Variants in CACNB4 observed in about 807,000 individuals in gnomAD.
The protein encoded by CACNB4 is voltage-dependent L-type calcium channel subunit beta-4.
CACNB4 carries 32 observed loss-of-function variants against 71.2 expected under a neutral mutation model. That is an observed-to-expected ratio of 0.45 (90% CI 0.34 to 0.60). The LOEUF is 0.60. Among genes scored for constraint, CACNB4 ranks in the 20% least tolerant of loss-of-function variants. CACNB4 has a pLI of 0.01. For missense variants in CACNB4, 464 were observed against 647.9 expected (o/e 0.72, Z 3.08); for synonymous variants, 231 against 236.9 (o/e 0.97, Z 0.23).
chr2:151,878,477 G>A (rs2099847013), intron 4 of CACNB4, among the ~76,000 whole-genome samples: 1 of 151,364 alleles, frequency 6.6e-6, no homozygotes, highest in African/African-American at 2.4e-5. Context: ...CAGCACTTTT[G>A]GAGTCTGAGG....
intron 2 of CACNB4, among the ~76,000 whole-genome samples, chr2:152,089,038 G>A (rs1029779836): frequency 1.1e-4 from 16 of 152,056 alleles, no homozygotes; most frequent in African/African-American, 3.1e-4. Context: ...CATGAATTTC[G>A]GCTTCTACTT....
At chr2:151,876,376 C>T in intron 5 of CACNB4, 50 bp downstream of exon 5, 3 of 1,533,688 alleles carry the variant, frequency 2.0e-6, no homozygotes, top group Non-Finnish European at 2.7e-6. Flanking sequence ...TTGAAAATAT[C>T]ACCCAATTTT....
At chr2:151,941,172 G>A (rs2099864129) in intron 2 of CACNB4, among the ~76,000 whole-genome samples, 1 of 151,956 alleles carries the variant, frequency 6.6e-6, no homozygotes, top group Non-Finnish European at 1.5e-5. Flanking sequence ...GAACCATCAG[G>A]TAATTGTTAG....
chr2:152,058,582 C>A (rs1685846062), intron 2 of CACNB4, among the ~76,000 whole-genome samples: 1 of 152,174 alleles, frequency 6.6e-6, no homozygotes, highest in African/African-American at 2.4e-5. Flanking sequence ...ATCTGTGGAA[C>A]TTTGAACTTG....
At chr2:151,987,341 A>G (rs181742318) in intron 2 of CACNB4, among the ~76,000 whole-genome samples, 1 of 152,056 alleles carries the variant, frequency 6.6e-6, no homozygotes, top group East Asian at 1.9e-4. Flanking sequence ...CAGCACTACA[A>G]TCTCTGGGCT....
At chr2:151,915,610 A>G (rs985428732) in intron 2 of CACNB4, among the ~76,000 whole-genome samples, 1 of 152,192 alleles carries the variant, frequency 6.6e-6, no homozygotes, top group African/African-American at 2.4e-5. Flanking sequence ...TGGGAGGCCG[A>G]GGCGGGTGGA....
At chr2:152,040,386 T>C (rs1372805029) in intron 2 of CACNB4, among the ~76,000 whole-genome samples, 7 of 152,214 alleles carry the variant, frequency 4.6e-5, no homozygotes, top group Admixed American at 6.5e-5. Flanking sequence ...CACATTTCAC[T>C]GATACTTTCT....
At chr2:151,875,872 G>A (rs569111106) in intron 5 of CACNB4, among the ~76,000 whole-genome samples, 3 of 139,944 alleles carry the variant, frequency 2.1e-5, no homozygotes, top group African/African-American at 2.6e-5. Flanking sequence ...CCTCCCGGAC[G>A]GGGCGGCTGG....
intron 2 of CACNB4, among the ~76,000 whole-genome samples, chr2:152,032,415 C>T (rs779559620): frequency 4.6e-5 from 7 of 152,128 alleles, no homozygotes; most frequent in Non-Finnish European, 1.0e-4. Context: ...TGTTAACTTG[C>T]TACTAATTTT....
intron 2 of CACNB4, among the ~76,000 whole-genome samples, chr2:151,964,432 C>T (rs998553262): frequency 2.0e-5 from 3 of 152,088 alleles, no homozygotes; most frequent in African/African-American, 7.2e-5. Context: ...GGGAGGACAG[C>T]AGATTAGGAT....
chr2:152,036,656 T>C (rs1684612431), intron 2 of CACNB4, among the ~76,000 whole-genome samples: 1 of 152,102 alleles, frequency 6.6e-6, no homozygotes, highest in Non-Finnish European at 1.5e-5. Flanking sequence ...GTGTTAAGTG[T>C]GGTGAAAGGC....
At chr2:151,910,287 G>A (rs576847278) in intron 2 of CACNB4, among the ~76,000 whole-genome samples, 3 of 152,136 alleles carry the variant, frequency 2.0e-5, no homozygotes, top group African/African-American at 7.2e-5. Context: ...TTGTCACATG[G>A]GTAGATTGCA....
At chr2:151,878,550 TACACACAC>T (rs60040188) in intron 4 of CACNB4, among the ~76,000 whole-genome samples, 4 of 129,962 alleles carry the variant, frequency 3.1e-5, no homozygotes, top group South Asian at 2.7e-4. Context: ...AGACCCTGTC[TACACACAC>T]ACACACACAC....
chr2:151,996,776 A>G (rs1382690112), intron 2 of CACNB4, among the ~76,000 whole-genome samples: 1 of 152,168 alleles, frequency 6.6e-6, no homozygotes, highest in Admixed American at 6.5e-5. Flanking sequence ...CTCCCTTTTG[A>G]ATACCAGTTT....
At chr2:152,016,261 A>G (rs1396663664) in intron 2 of CACNB4, among the ~76,000 whole-genome samples, 1 of 152,242 alleles carries the variant, frequency 6.6e-6, no homozygotes, top group African/African-American at 2.4e-5. Flanking sequence ...AAGTAAAAAG[A>G]CAAAAGTTCC....
chr2:152,011,774 T>C (rs1683070133), intron 2 of CACNB4, among the ~76,000 whole-genome samples: 1 of 152,182 alleles, frequency 6.6e-6, no homozygotes, highest in Non-Finnish European at 1.5e-5. Flanking sequence ...AATACAGTCA[T>C]GCGCCACATA....
At chr2:152,008,373 G>A (rs1047466142) in intron 2 of CACNB4, among the ~76,000 whole-genome samples, 7 of 151,570 alleles carry the variant, frequency 4.6e-5, no homozygotes, top group Admixed American at 6.6e-5. Flanking sequence ...TGCAACCTCC[G>A]CCTCCCGGGT....
At chr2:151,849,088 CGAATG>C (rs939855403) in intron 12 of CACNB4, among the ~76,000 whole-genome samples, 3 of 152,080 alleles carry the variant, frequency 2.0e-5, no homozygotes, top group African/African-American at 7.2e-5. Context: ...CTGTGAATTC[CGAATG>C]GGCAACGAGA....
At chr2:151,849,088 C>T (rs912383357) in intron 12 of CACNB4, among the ~76,000 whole-genome samples, 1 of 152,080 alleles carries the variant, frequency 6.6e-6, no homozygotes, top group Non-Finnish European at 1.5e-5. Context: ...CTGTGAATTC[C>T]GAATGGGCAA....
Sources: allele counts gnomAD v4.1 joint callset (sites outside exome capture counted in the v4.1 genomes callset), GRCh38; gene constraint gnomAD v4.1.1; transcripts MANE v1.5; gene names NCBI Gene and HGNC (gene_info 2026-07-23, HGNC 2026-07-21).